The following TNIP3 variants were observed in gnomAD, a reference collection of about 807,000 sequenced individuals.
TNIP3 encodes the protein TNFAIP3-interacting protein 3.
Under a neutral mutation model 54.1 loss-of-function variants are expected in TNIP3, and 34 were observed. The ratio of observed to expected loss-of-function variants is 0.63; its 90% CI spans 0.48 to 0.84. TNIP3 has a LOEUF of 0.84. Ranked by LOEUF, TNIP3 falls within the 40% of genes least tolerant of loss-of-function variation. TNIP3 has a pLI of 0.00. For synonymous variants in TNIP3, 134 were observed against 136.8 expected, an observed-to-expected ratio of 0.98 and a Z score of 0.14; for missense variants, 366 against 387.6, an observed-to-expected ratio of 0.94 and a Z score of 0.47.
At chr4:121,171,189 G>C (rs1438662731) in intron 3 of TNIP3, among the ~76,000 whole-genome samples, 2 of 152,184 alleles carry the variant, frequency 1.3e-5, no homozygotes, top group Non-Finnish European at 2.9e-5. Flanking sequence ...TTTGGCCTTT[G>C]CATTTCAAAA....
At chr4:121,157,534 A>T (rs560448447) in intron 3 of TNIP3, among the ~76,000 whole-genome samples, 1 of 152,238 alleles carries the variant, frequency 6.6e-6, no homozygotes, top group African/African-American at 2.4e-5. Flanking sequence ...CACCCAGGGG[A>T]ATCTGTAGGT....
chr4:121,140,330 T>G (rs1311951851), intron 9 of TNIP3, among the ~76,000 whole-genome samples: 1 of 150,548 alleles, frequency 6.6e-6, no homozygotes, highest in East Asian at 2.0e-4. Context: ...CGAGATGCCT[T>G]CTCAAAAAAA....
chr4:121,185,527 T>C (rs1257625522), intron 2 of TNIP3, among the ~76,000 whole-genome samples: 1 of 152,242 alleles, frequency 6.6e-6, no homozygotes, highest in African/African-American at 2.4e-5. Context: ...AAGGCCTTTG[T>C]CTGTGTTTAT....
upstream of TNIP3, among the ~76,000 whole-genome samples, chr4:121,219,149 G>A (rs145092916): frequency 5.3e-4 from 80 of 151,542 alleles, no homozygotes; most frequent in East Asian, 6.2e-3. Context: ...GCAGTGAGCC[G>A]AGATCACACC....
chr4:121,133,031 A>T (rs1000015819), intron 10 of TNIP3, among the ~76,000 whole-genome samples: 11 of 152,226 alleles, frequency 7.2e-5, no homozygotes, highest in African/African-American at 2.4e-4. Flanking sequence ...AACTTGCCAA[A>T]TATGATCTTT....
At chr4:121,174,705 T>C (rs1724203266) in intron 3 of TNIP3, among the ~76,000 whole-genome samples, 1 of 152,230 alleles carries the variant, frequency 6.6e-6, no homozygotes. Flanking sequence ...ATCTTTTTTT[T>C]GCTACTTATT....
chr4:121,157,834 G>A (rs1382808961), intron 3 of TNIP3, among the ~76,000 whole-genome samples: 1 of 152,138 alleles, frequency 6.6e-6, no homozygotes, highest in Non-Finnish European at 1.5e-5. Context: ...CCTGCAAGCC[G>A]TTCGAGAAAG....
chr4:121,144,671 G>T (rs1729327280), intron 7 of TNIP3, among the ~76,000 whole-genome samples: 1 of 152,118 alleles, frequency 6.6e-6, no homozygotes, highest in Non-Finnish European at 1.5e-5. Flanking sequence ...CAAAGTGCTG[G>T]GATTACAGGC....
At chr4:121,149,056 A>T (rs1164889261) in intron 6 of TNIP3, among the ~76,000 whole-genome samples, 1 of 152,192 alleles carries the variant, frequency 6.6e-6, no homozygotes, top group East Asian at 1.9e-4. Context: ...CTCTCACATA[A>T]AAAGAGACAT....
At chr4:121,224,311 A>G (rs1464084643) in intron 1 of TNIP3, among the ~76,000 whole-genome samples, 1 of 152,012 alleles carries the variant, frequency 6.6e-6, no homozygotes, top group Non-Finnish European at 1.5e-5. Flanking sequence ...TGCAGTGAGC[A>G]GAGATTGTGC....
In TNIP3 at chr4:121,227,338, T is replaced by C. The variant is rs148323676; in HGVS notation, c.3+47A>G. The C allele has an allele frequency of 4.6e-4, 703 of 1,524,098 alleles. 5 individuals are homozygous for C. The East Asian group carries it at 0.015, about 32-fold the overall frequency. The allele number at this position is 1,524,098 out of a possible 1,614,324, so 94.4% of individuals were successfully genotyped here. Reference sequence around the variant, plus strand: ...GAAATTAAGTTACAACCAACCCTGGTAAGTAAGCGAAATGAAAGTAAAGGC... The same window carrying C: ...GAAATTAAGTTACAACCAACCCTGGCAAGTAAGCGAAATGAAAGTAAAGGC... On this transcript the variant is annotated intron_variant, in intron 1 of 12. Transcript: ENST00000509841.
At chr4:121,150,253 G>C (rs1729669082) in intron 5 of TNIP3, 34 bp from the exon 6 acceptor site, 1 of 1,290,990 alleles carries the variant, frequency 7.7e-7, no homozygotes, top group African/African-American at 1.5e-5. Flanking sequence ...GTTGATCTAA[G>C]ATTTACCACA....
chr4:121,148,174 T>C (rs1729540911), intron 6 of TNIP3, among the ~76,000 whole-genome samples: 1 of 152,186 alleles, frequency 6.6e-6, no homozygotes, highest in African/African-American at 2.4e-5. Flanking sequence ...CATCATCACT[T>C]TAGTCAGGTA....
intron 1 of TNIP3, among the ~76,000 whole-genome samples, chr4:121,162,212 T>G (rs1413125557): frequency 6.6e-6 from 1 of 152,374 alleles, no homozygotes; most frequent in African/African-American, 2.4e-5. Flanking sequence ...AGCACCTTTT[T>G]TCATCAGAAA....
rs188116823 is a variant in TNIP3, at chr4:121,140,121, G to C, written c.886-1437C>G. 4.1e-3 allele frequency among the ~76,000 whole-genome samples: 625 copies of C among 152,180 alleles called. 5 individuals carry two copies. The highest frequency in any genetic ancestry group is 0.014 in the African/African-American group (586 of 41,530). On this transcript the variant is annotated intron_variant, in intron 9 of 10. Coordinates refer to ENST00000057513, the MANE Select transcript of TNIP3 (RefSeq NM_024873.6). ...GAGGCCAAGGTGGGCGGATCATGAGGTCAGGAGTTTGAGACCAGCCTGGGC... is the reference window on the plus strand; with the variant it reads ...GAGGCCAAGGTGGGCGGATCATGAGCTCAGGAGTTTGAGACCAGCCTGGGC...
At chr4:121,219,473 T>A (rs1192898321), upstream of TNIP3, among the ~76,000 whole-genome samples, 1 of 152,234 alleles carries the variant, frequency 6.6e-6, no homozygotes, top group Admixed American at 6.5e-5. Flanking sequence ...GCTGTTTGAT[T>A]GTTTAAGCAG....
intron 5 of TNIP3, among the ~76,000 whole-genome samples, chr4:121,153,844 G>C (rs897085827): frequency 6.6e-6 from 1 of 152,118 alleles, no homozygotes; most frequent in Non-Finnish European, 1.5e-5. Flanking sequence ...GAAATATCTA[G>C]TTGAGAGAGG....
chr4:121,152,401 G>T (rs1729813810), intron 5 of TNIP3, among the ~76,000 whole-genome samples: 1 of 151,872 alleles, frequency 6.6e-6, no homozygotes, highest in African/African-American at 2.4e-5. Context: ...TACTTTTAAG[G>T]GACAGCTTAA....
intron 2 of TNIP3, among the ~76,000 whole-genome samples, chr4:121,204,943 A>G (rs1182727988): frequency 6.6e-6 from 1 of 152,134 alleles, no homozygotes; most frequent in Admixed American, 6.6e-5. Context: ...AGTGATATTG[A>G]TCATATTTCA....
Sources: allele counts gnomAD v4.1 joint callset (sites outside exome capture counted in the v4.1 genomes callset), GRCh38; gene constraint gnomAD v4.1.1; transcripts MANE v1.5; gene names NCBI Gene and HGNC (gene_info 2026-07-23, HGNC 2026-07-21).